FNBP1L: variants seen among roughly 807,000 people sequenced by gnomAD.
FNBP1L encodes formin binding protein 1 like, also known as formin-binding protein 1-like.
In FNBP1L, 36 loss-of-function variants were observed where a neutral mutation model predicts 91.2. The ratio of observed to expected loss-of-function variants is 0.39; its 90% confidence interval spans 0.30 to 0.52. The LOEUF is 0.52. FNBP1L is among the 20% of genes least tolerant of loss of function. The pLI is 0.66. For synonymous variants in FNBP1L, 242 were observed against 237.0 expected (o/e 1.02, Z -0.19); for missense variants, 571 against 732.1 (o/e 0.78, Z 2.54).
At chr1:93,495,155 T>C (rs187276762) in intron 1 of FNBP1L, among the ~76,000 whole-genome samples, 1 of 152,302 alleles carries the variant, frequency 6.6e-6, no homozygotes, top group East Asian at 1.9e-4. Flanking sequence ...GCAAATACTC[T>C]TAGGCCACAT....
At chr1:93,454,531 C>A (rs1177699072) in intron 1 of FNBP1L, among the ~76,000 whole-genome samples, 1 of 152,128 alleles carries the variant, frequency 6.6e-6, no homozygotes, top group African/African-American at 2.4e-5. Flanking sequence ...AGCGCCGCTG[C>A]AAGAATATTT....
Position 93,541,031 on chromosome 1 carries a change from G to T in FNBP1L, c.1150-11G>T, listed in dbSNP as rs1222920770. ...TTACCATTTCTTTCTGTTTTCCATT[G>T]AACTATTCAGTGGTCGGTGAAGATG... On this transcript the variant is annotated splice_polypyrimidine_tract_variant and intron_variant, in intron 10 of 16. Coordinates refer to ENST00000271234, the MANE Select transcript of FNBP1L (RefSeq NM_001164473.3). 1 of 1,535,984 alleles carries T rather than the reference G, an allele frequency of 6.5e-7. No individual in the cohort carries two copies. Among genetic ancestry groups the T allele is most frequent in the Non-Finnish European group, 8.7e-7 (1 of 1,146,128 alleles).
rs1023495068 is a variant in FNBP1L at position 93,536,913 on chromosome 1, C to T, written c.1149+423C>T. Among the ~76,000 whole-genome samples, 9 of 150,288 alleles carry T rather than the reference C, an allele frequency of 6.0e-5. 1 individual carries two copies. Among genetic ancestry groups the T allele is most frequent in the African/African-American group, 2.2e-4 (9 of 40,820 alleles). ...AAATGTCAAGCTCAATTTTAATTGC[C>T]CTGCTTATTTTCAGATGTATAAAAC... On this transcript the variant is annotated intron_variant, in intron 10 of 16. Coordinates refer to ENST00000271234, the MANE Select transcript of FNBP1L (RefSeq NM_001164473.3).
intron 2 of FNBP1L, among the ~76,000 whole-genome samples, chr1:93,518,648 G>A (rs1449095030): frequency 1.3e-5 from 2 of 152,116 alleles, no homozygotes; most frequent in East Asian, 3.8e-4. Flanking sequence ...TTGAATAGAG[G>A]TACCTGGGGC....
At chr1:93,511,353 C>A (rs1193638395) in intron 2 of FNBP1L, among the ~76,000 whole-genome samples, 1 of 152,062 alleles carries the variant, frequency 6.6e-6, no homozygotes, top group Non-Finnish European at 1.5e-5. Flanking sequence ...TCCAGCCAAA[C>A]TAAGCTTCAT....
intron 9 of FNBP1L, 63 bp downstream of exon 9, chr1:93,534,971 T>C (rs1671797565): frequency 7.7e-7 from 1 of 1,303,476 alleles, no homozygotes; most frequent in African/African-American, 1.5e-5. Context: ...ACAATGTGGG[T>C]ATTGAATGCA....
At position 93,448,223 on chromosome 1, in the gene FNBP1L, A is replaced by C; in HGVS notation, c.-59A>C. On this transcript the variant is annotated 5_prime_UTR_variant, in exon 1 of 17. Coordinates refer to ENST00000271234, the MANE Select transcript of FNBP1L (RefSeq NM_001164473.3). ...GGCCAGCGAGTGAGAGGTCGGACAGACTGTGGAGCCGACAGACTGAAGGAC... is the reference window on the plus strand; with the variant it reads ...GGCCAGCGAGTGAGAGGTCGGACAGCCTGTGGAGCCGACAGACTGAAGGAC... 3 of 1,517,760 alleles carry C rather than the reference A, an allele frequency of 2.0e-6. No individual in the cohort carries two copies. Among genetic ancestry groups the C allele is most frequent in the Non-Finnish European group, 2.6e-6 (3 of 1,132,434 alleles). 94.0% of individuals were successfully genotyped at this position (1,517,760 alleles called of 1,614,324 possible).
chr1:93,448,149 G>C lies in FNBP1L; in HGVS notation c.-133G>C. The C allele has an allele frequency of 8.7e-7, 1 of 1,154,614 alleles. No homozygotes were observed. The highest frequency in any genetic ancestry group is 2.8e-4 in the Middle Eastern group (1 of 3,572). The allele number at this position is 1,154,614 out of a possible 1,614,324, so 71.5% of individuals were successfully genotyped here. On this transcript the variant is annotated 5_prime_UTR_variant, in exon 1 of 17. Transcript: ENST00000271234. Reference sequence around the variant, plus strand: ...GTCTTTCTCACTCACTGGGGAGCCCGGCGGTGGCGGCACCTTTCGAGGTAG... The same window carrying C: ...GTCTTTCTCACTCACTGGGGAGCCCCGCGGTGGCGGCACCTTTCGAGGTAG...
chr1:93,489,118 A>G lies in FNBP1L; in HGVS notation c.25-10350A>G, dbSNP rs140421140. Among the ~76,000 whole-genome samples the G allele has an allele frequency of 7.2e-5, 11 of 152,262 alleles. No homozygotes were observed. In the East Asian group the frequency reaches 1.5e-3, roughly 21 times the overall value. ...CTGGTTCTTTCTTTTCTTTTTTCCA[A>G]CTTTCTTCAGCAGCATGAGGAAGGG... On this transcript the variant is annotated intron_variant, in intron 1 of 16. Transcript: ENST00000271234.
rs1018498399 is a variant in FNBP1L at position 93,544,151 on chromosome 1, A to G, written c.1209A>G (p.Arg403=). The G allele has an allele frequency of 4.3e-6, 7 of 1,612,370 alleles. No homozygotes were observed. The Admixed American group carries it at 5.0e-5, about 12-fold the overall frequency. ...TCAGTCATCTGCCACCAGAACAGAGACGTAAAAAACTACAGCAGCGCATTG... is the reference window on the plus strand; with the variant it reads ...TCAGTCATCTGCCACCAGAACAGAGGCGTAAAAAACTACAGCAGCGCATTG... ...EDFSHLPPEQ[R]RKKLQQRIDE... The change falls in exon 12 of 17, where the codon AGA becomes AGG. Residue 403 remains arginine, a synonymous_variant. Transcript: ENST00000271234.
chr1:93,467,781 A>G (rs1270784413), intron 1 of FNBP1L, among the ~76,000 whole-genome samples: 1 of 152,052 alleles, frequency 6.6e-6, no homozygotes, highest in Non-Finnish European at 1.5e-5. Context: ...ACAAGACCCC[A>G]GCTCTTAAAA....
At chr1:93,511,297 T>A (rs1265114398) in intron 2 of FNBP1L, among the ~76,000 whole-genome samples, 1 of 152,150 alleles carries the variant, frequency 6.6e-6, no homozygotes, top group African/African-American at 2.4e-5. Flanking sequence ...TGGGGGACAA[T>A]ATTCAACATT....
At chr1:93,526,058 T>C (rs935725945) in intron 5 of FNBP1L, among the ~76,000 whole-genome samples, 12 of 152,046 alleles carry the variant, frequency 7.9e-5, no homozygotes, top group Admixed American at 7.2e-4. Context: ...AGTGACAGGG[T>C]ATTAAAAATT....
At chr1:93,466,834 G>A (rs1299036111) in intron 1 of FNBP1L, among the ~76,000 whole-genome samples, 1 of 152,114 alleles carries the variant, frequency 6.6e-6, no homozygotes, top group Non-Finnish European at 1.5e-5. Context: ...CTATCCATGA[G>A]CATGGAATAT....
chr1:93,514,613 G>A (rs540578723), intron 2 of FNBP1L, among the ~76,000 whole-genome samples: 1 of 152,124 alleles, frequency 6.6e-6, no homozygotes, highest in Non-Finnish European at 1.5e-5. Context: ...AAATAACGCC[G>A]CATGTCTACA....
intron 10 of FNBP1L, among the ~76,000 whole-genome samples, chr1:93,537,629 T>C (rs754725714): frequency 1.6e-4 from 25 of 152,308 alleles, no homozygotes; most frequent in Non-Finnish European, 3.1e-4. Flanking sequence ...TGCATCTGTC[T>C]TACCTAATTC....
At chr1:93,450,065 A>G (rs1668436768) in intron 1 of FNBP1L, among the ~76,000 whole-genome samples, 3 of 152,186 alleles carry the variant, frequency 2.0e-5, no homozygotes, top group African/African-American at 7.2e-5. Context: ...CATGTTATTT[A>G]GATTTAACTC....
intron 1 of FNBP1L, among the ~76,000 whole-genome samples, chr1:93,486,932 ACTCTT>A (rs977333456): frequency 3.3e-5 from 5 of 151,786 alleles, no homozygotes; most frequent in African/African-American, 1.2e-4. Flanking sequence ...ACTTGACCCC[ACTCTT>A]CTCTTTAGCT....
intron 6 of FNBP1L, among the ~76,000 whole-genome samples, chr1:93,530,132 A>G (rs1671625881): frequency 6.6e-6 from 1 of 152,132 alleles, no homozygotes; most frequent in Non-Finnish European, 1.5e-5. Context: ...TGTATTCTAA[A>G]TAAGCATTCC....
Sources: allele counts gnomAD v4.1 joint callset (sites outside exome capture counted in the v4.1 genomes callset), GRCh38; gene constraint gnomAD v4.1.1; transcripts MANE v1.5; gene names NCBI Gene and HGNC (gene_info 2026-07-23, HGNC 2026-07-21).